The following CCDC77 variants were observed in gnomAD, a reference collection of about 807,000 sequenced individuals.
CCDC77 encodes coiled-coil domain-containing protein 77.
Under a neutral mutation model 66.8 loss-of-function variants are expected in CCDC77, and 56 were observed. The observed-to-expected ratio is 0.84, with a 90% CI of 0.68 to 1.05. The LOEUF is 1.05. Ranked by LOEUF, CCDC77 falls within the 50% of genes least tolerant of loss-of-function variation. The pLI is 0.00. For synonymous variants in CCDC77, 196 were observed against 195.2 expected, an observed-to-expected ratio of 1.00 and a Z score of -0.03; for missense variants, 570 against 576.8, an observed-to-expected ratio of 0.99 and a Z score of 0.12.
upstream of CCDC77, among the ~76,000 whole-genome samples, chr12:397,802 A>G (rs946794816): frequency 3.3e-5 from 5 of 151,876 alleles, no homozygotes; most frequent in African/African-American, 1.2e-4. Flanking sequence ...GCCCGCCACC[A>G]CGCCCGGCTA....
At chr12:436,811 C>T (rs921682786) in intron 9 of CCDC77, 3 of 948,510 alleles carry the variant, frequency 3.2e-6, no homozygotes, top group African/African-American at 1.8e-5. Context: ...AATCCAGGGC[C>T]GTTAATGACT....
At chr12:426,559 A>C (rs1945535853) in intron 5 of CCDC77, among the ~76,000 whole-genome samples, 1 of 152,174 alleles carries the variant, frequency 6.6e-6, no homozygotes, top group Non-Finnish European at 1.5e-5. Context: ...GCTTTCACTT[A>C]GCTTGCCCCA....
At chr12:389,894 G>C (rs2137512808) in intron 1 of CCDC77, 1 of 152,416 alleles carries the variant, frequency 6.6e-6, no homozygotes, top group South Asian at 2.0e-4. Flanking sequence ...ATCAAAACAA[G>C]TGCAGGTCTA....
chr12:400,277 C>G (rs1486420052), upstream of CCDC77, among the ~76,000 whole-genome samples: 1 of 152,224 alleles, frequency 6.6e-6, no homozygotes, highest in East Asian at 1.9e-4. Context: ...ATCCAGACCA[C>G]TCAAACTTTC....
At chr12:398,355 C>T (rs1312871264), upstream of CCDC77, among the ~76,000 whole-genome samples, 2 of 152,132 alleles carry the variant, frequency 1.3e-5, no homozygotes, top group African/African-American at 4.8e-5. Flanking sequence ...CTAAAGAAAC[C>T]ACTTTCTTTA....
At chr12:434,395 C>T (rs1374070565) in intron 9 of CCDC77, among the ~76,000 whole-genome samples, 1 of 151,206 alleles carries the variant, frequency 6.6e-6, no homozygotes, top group Non-Finnish European at 1.5e-5. Flanking sequence ...CTCTGTCGCC[C>T]AGGCTGGAGT....
chr12:425,781 C>G (rs1945517505), intron 5 of CCDC77, among the ~76,000 whole-genome samples: 1 of 152,194 alleles, frequency 6.6e-6, no homozygotes, highest in East Asian at 1.9e-4. Context: ...TTCATGCCGT[C>G]TGATTTAACG....
Position 411,858 on chromosome 12 carries a change from C to T in CCDC77, c.150C>T (p.Ala50=). The T allele has an allele frequency of 6.2e-7, 1 of 1,613,916 alleles. No homozygotes were observed. The highest frequency in any genetic ancestry group is 8.5e-7 in the Non-Finnish European group (1 of 1,179,990). ...TGCCTTCCCCCGAAGATCGTCTGGC[C>T]AAACTCCATCCTTCTAAGGAGCTCC... The part of the protein sequence containing the change: ...TPLPSPEDRL[A]KLHPSKELLE... Residue 50 remains alanine (A), a synonymous_variant, in exon 4 of 13, where the codon GCC becomes GCT. Coordinates refer to ENST00000239830, the MANE Select transcript of CCDC77 (RefSeq NM_032358.4).
rs763119387 is a variant in CCDC77 at position 411,988 on chromosome 12, C to T, written c.270+10C>T. ...AGCTTGTGAAGGACAGGTAAAGAAA[C>T]GATGCTGCTGCTTTAGAACTCTGAT... On this transcript the variant is annotated intron_variant, in intron 4 of 12. Transcript: ENST00000239830. 6.3e-5 allele frequency: 100 copies of T among 1,591,322 alleles called. No homozygotes were observed. The Admixed American group carries it at 8.7e-4, about 14-fold the overall frequency.
intron 1 of CCDC77, among the ~76,000 whole-genome samples, chr12:402,836 A>G (rs1944923003): frequency 6.6e-6 from 1 of 152,232 alleles, no homozygotes; most frequent in African/African-American, 2.4e-5. Flanking sequence ...CAGGAGGTTC[A>G]GAAGAATGAG....
chr12:398,829 G>A (rs1248622778), upstream of CCDC77, among the ~76,000 whole-genome samples: 6 of 150,810 alleles, frequency 4.0e-5, no homozygotes, highest in South Asian at 2.1e-4. Flanking sequence ...GCACAATCTC[G>A]GCTCACTGCA....
chr12:440,134 C>T (rs1414667238), intron 10 of CCDC77, among the ~76,000 whole-genome samples: 2 of 152,172 alleles, frequency 1.3e-5, no homozygotes, highest in African/African-American at 4.8e-5. Context: ...GGGCCTTGTG[C>T]ATCATCGTAT....
chr12:416,398 T>TAC (rs1945281301), intron 4 of CCDC77, among the ~76,000 whole-genome samples: 1 of 57,520 alleles, frequency 1.7e-5, no homozygotes, highest in East Asian at 6.3e-4. Context: ...TATATATATA[T>TAC]ATATATATAT....
chr12:432,031 T>C lies in CCDC77; in HGVS notation c.672+77T>C, dbSNP rs755133191. ...TCTATGTCACATACCCTCAGTGTCA[T>C]GTGATAAGTATCTCCTTGCACACAG... is the stretch of plus-strand genomic sequence containing the variant. On this transcript the variant is annotated intron_variant, in intron 8 of 12. Coordinates refer to ENST00000239830, the MANE Select transcript of CCDC77 (RefSeq NM_032358.4). 501 of 820,188 alleles carry C rather than the reference T, an allele frequency of 6.1e-4. 1 individual carries two copies. Among genetic ancestry groups the C allele is most frequent in the Middle Eastern group, 1.1e-3 (5 of 4,384 alleles). The allele number at this position is 820,188 out of a possible 1,614,324, so 50.8% of individuals were successfully genotyped here.
rs751002679 is a variant in CCDC77 at position 418,637 on chromosome 12, G to A, written c.413+1G>A. 1.2e-6 allele frequency: 2 copies of A among 1,612,144 alleles called. No homozygotes were observed. Among genetic ancestry groups the A allele is most frequent in the African/African-American group, 2.7e-5 (2 of 74,968 alleles). On this transcript the variant is annotated splice_donor_variant, in intron 5 of 12. Coordinates refer to ENST00000239830, the MANE Select transcript of CCDC77 (RefSeq NM_032358.4). LOFTEE classifies it high-confidence loss of function. Reference sequence around the variant, plus strand: ...CAGAAAATGACCGACTGAGAATCAGGTACCAAATAGGAGAAGGGAAATGTT... The same window carrying A: ...CAGAAAATGACCGACTGAGAATCAGATACCAAATAGGAGAAGGGAAATGTT...
intron 1 of CCDC77, chr12:389,548 A>G (rs968764699): frequency 1.6e-4 from 4 of 24,336 alleles, no homozygotes; most frequent in South Asian, 7.0e-4. Context: ...AGGGAAGCCG[A>G]CGGGGCGAGG....
intron 5 of CCDC77, among the ~76,000 whole-genome samples, chr12:424,201 G>C (rs1048517356): frequency 1.7e-4 from 26 of 152,042 alleles, no homozygotes; most frequent in African/African-American, 6.3e-4. Context: ...AAACTCCTGA[G>C]CTCAAGTGAT....
intron 1 of CCDC77, among the ~76,000 whole-genome samples, chr12:404,779 A>G (rs996351569): frequency 5.3e-5 from 8 of 149,986 alleles, no homozygotes; most frequent in Non-Finnish European, 1.0e-4. Context: ...CTGGAGTGTA[A>G]TGGCGCGATC....
At chr12:427,475 A>ATTAAT (rs1945557481) in intron 5 of CCDC77, among the ~76,000 whole-genome samples, 2 of 127,666 alleles carry the variant, frequency 1.6e-5, no homozygotes, top group African/African-American at 5.7e-5. Context: ...TAATTAATTA[A>ATTAAT]TTTTTTTTTT....
Sources: allele counts gnomAD v4.1 joint callset (sites outside exome capture counted in the v4.1 genomes callset), GRCh38; gene constraint gnomAD v4.1.1; transcripts MANE v1.5; gene names NCBI Gene and HGNC (gene_info 2026-07-23, HGNC 2026-07-21).